SYNE3: variants seen among roughly 807,000 people sequenced by gnomAD.
SYNE3 encodes the protein nesprin-3.
A neutral mutation model predicts 111.2 loss-of-function variants in SYNE3; 100 were observed. The observed-to-expected ratio is 0.90, with a 90% confidence interval of 0.77 to 1.06. The LOEUF (loss-of-function observed/expected upper bound fraction) is 1.06, where lower values mean the gene tolerates loss of function less well. SYNE3 is among the 50% of genes least tolerant of loss of function. The pLI is 0.00. For missense variants in SYNE3, 1,160 were observed against 1,240.3 expected (o/e 0.94, Z 0.97); for synonymous variants, 547 against 533.9 (o/e 1.02, Z -0.34).
In SYNE3 at chr14:95,443,210, T is replaced by G; in HGVS notation, c.1856A>C (p.Gln619Pro). Residue 619 changes from glutamine to proline, a missense_variant, in exon 11 of 18, where the codon CAG (glutamine) becomes CCG (proline). Physicochemically the swap from Gln to Pro is moderately conservative, Grantham distance 76. Transcript: ENST00000682763. ...RPLVQENPNH[Q>P]HKMDQLSSDF... is the part of the protein sequence containing the mutation. ...GGAGGAAAGCTGGTCCATTTTGTGC[T>G]GGTGGTTGGGGTTCTCCTGGACCAG... is the stretch of plus-strand genomic sequence containing the variant. The G allele has an allele frequency of 1.2e-6, 2 of 1,614,198 alleles. No individual in the cohort carries two copies. Among genetic ancestry groups the G allele is most frequent in the Non-Finnish European group, 1.7e-6 (2 of 1,180,026 alleles).
rs745448848 is a variant in SYNE3, at chr14:95,449,751, A to G, written c.1449+180T>C. 9.8e-5 allele frequency: 94 copies of G among 960,504 alleles called. 1 individual carries two copies. Among genetic ancestry groups the G allele is most frequent in the Admixed American group, 6.2e-4 (10 of 16,242 alleles). 59.5% of individuals were successfully genotyped at this position (960,504 alleles called of 1,614,324 possible). On this transcript the variant is annotated intron_variant, in intron 8 of 17. Coordinates refer to ENST00000682763, the MANE Select transcript of SYNE3 (RefSeq NM_152592.6). ...CCCAGGAGCCGAGCTGACCTTTGTCAGTGTAACAAGCAAGCATGGACGCTC... is the reference window on the plus strand; with the variant it reads ...CCCAGGAGCCGAGCTGACCTTTGTCGGTGTAACAAGCAAGCATGGACGCTC...
chr14:95,509,974 G>C (rs947586843), intron 1 of SYNE3, among the ~76,000 whole-genome samples: 2 of 152,220 alleles, frequency 1.3e-5, no homozygotes, highest in African/African-American at 4.8e-5. Context: ...ACTTGAGCCA[G>C]CCATTTCTGC....
chr14:95,474,079 G>A (rs1383858914), intron 2 of SYNE3, among the ~76,000 whole-genome samples: 1 of 150,304 alleles, frequency 6.7e-6, no homozygotes, highest in Non-Finnish European at 1.5e-5. Flanking sequence ...GCTGGTGTGA[G>A]CTTGTGAGGT....
At chr14:95,479,634 T>C (rs1339522277) in intron 1 of SYNE3, among the ~76,000 whole-genome samples, 1 of 151,738 alleles carries the variant, frequency 6.6e-6, no homozygotes, top group Non-Finnish European at 1.5e-5. Flanking sequence ...GGCTCTGGCC[T>C]GGTGAGGCTC....
chr14:95,418,957 C>G (rs1884918133), intron 17 of SYNE3, among the ~76,000 whole-genome samples: 1 of 152,172 alleles, frequency 6.6e-6, no homozygotes, highest in African/African-American at 2.4e-5. Context: ...TCCTCCTCCT[C>G]CTTTTATTTC....
chr14:95,458,714 A>T (rs76592609), intron 4 of SYNE3, among the ~76,000 whole-genome samples: 1 of 152,160 alleles, frequency 6.6e-6, no homozygotes. Context: ...AGGTTCCTAG[A>T]AACAAGGCTG....
At chr14:95,481,840 TG>T (rs1431933623) in intron 1 of SYNE3, among the ~76,000 whole-genome samples, 4 of 152,226 alleles carry the variant, frequency 2.6e-5, no homozygotes, top group Non-Finnish European at 4.4e-5. Flanking sequence ...ATTTGGTCTC[TG>T]GGGGACCAGG....
At chr14:95,434,637 T>C (rs916284658) in intron 15 of SYNE3, among the ~76,000 whole-genome samples, 2 of 147,280 alleles carry the variant, frequency 1.4e-5, no homozygotes, top group African/African-American at 5.2e-5. Context: ...AAATCAACTC[T>C]GGAGGAAAAG....
intron 11 of SYNE3, among the ~76,000 whole-genome samples, chr14:95,440,671 C>T (rs1886366439): frequency 6.6e-6 from 1 of 152,226 alleles, no homozygotes; most frequent in Non-Finnish European, 1.5e-5. Flanking sequence ...AAAGGCCAGG[C>T]ACAAAAGAAA....
chr14:95,415,019 C>T lies in SYNE3; in HGVS notation c.*2807G>A, dbSNP rs190815975. 6.6e-6 allele frequency: 1 copy of T among 152,222 alleles called. No individual in the cohort carries two copies. The highest frequency in any genetic ancestry group is 6.5e-5 in the Admixed American group (1 of 15,294). 9.4% of individuals were successfully genotyped at this position (152,222 alleles called of 1,614,324 possible). On this transcript the variant is annotated 3_prime_UTR_variant, in exon 18 of 18. Transcript: ENST00000682763. ...ATATAGGTAGATATTCCCACCCCCG[C>T]CCGCATGTTCCAGCTTCTCCTTCCC...
intron 1 of SYNE3, among the ~76,000 whole-genome samples, chr14:95,480,821 C>G (rs967860781): frequency 6.6e-6 from 1 of 152,352 alleles, no homozygotes. Context: ...TAAGGACAGG[C>G]CCACACCACG....
In SYNE3 at chr14:95,470,692, G is replaced by C. The variant is rs559224329; in HGVS notation, c.145-2725C>G. ...AGAAAAAAAAGAGCCGGATGTGGTG[G>C]CTCACGCCTGTAATCCCAACACTTT... is the stretch of plus-strand genomic sequence containing the variant. On this transcript the variant is annotated intron_variant, in intron 2 of 17. Coordinates refer to ENST00000682763, the MANE Select transcript of SYNE3 (RefSeq NM_152592.6). The surrounding 1 kb of genome is among the most constrained non-coding windows in gnomAD (Gnocchi z 4.2). 1.3e-3 allele frequency among the ~76,000 whole-genome samples: 194 copies of C among 151,694 alleles called. 1 individual carries two copies. Among genetic ancestry groups the C allele is most frequent in the African/African-American group, 4.3e-3 (178 of 41,316 alleles).
intron 1 of SYNE3, among the ~76,000 whole-genome samples, chr14:95,514,194 G>C (rs1268487284): frequency 6.6e-6 from 1 of 152,172 alleles, no homozygotes; most frequent in Non-Finnish European, 1.5e-5. Context: ...GTGGTTAACT[G>C]AAAATATTCA....
intron 1 of SYNE3, among the ~76,000 whole-genome samples, chr14:95,495,015 G>A (rs905338293): frequency 9.9e-5 from 15 of 152,202 alleles, no homozygotes; most frequent in African/African-American, 3.4e-4. Flanking sequence ...AGGAAGCTGA[G>A]GCAGGAGAAT....
chr14:95,471,428 A>C (rs1863399160), intron 2 of SYNE3, among the ~76,000 whole-genome samples: 1 of 152,224 alleles, frequency 6.6e-6, no homozygotes, highest in African/African-American at 2.4e-5. Context: ...CCCGAGACCC[A>C]CTGCCTTTTC....
At chr14:95,478,542 A>C (rs1165017982) in intron 1 of SYNE3, among the ~76,000 whole-genome samples, 1 of 152,052 alleles carries the variant, frequency 6.6e-6, no homozygotes, top group Non-Finnish European at 1.5e-5. Context: ...TTCCTGTGTC[A>C]CCACTCCCTG....
At chr14:95,479,224 CA>C (rs71132351) in intron 1 of SYNE3, among the ~76,000 whole-genome samples, 1,348 of 86,232 alleles carry the variant, frequency 0.016, 5 homozygotes, top group African/African-American at 0.046. Flanking sequence ...TCGTCTCTAC[CA>C]AAAAAAAAAA....
intron 4 of SYNE3, among the ~76,000 whole-genome samples, 163 bp from the exon 5 acceptor site, chr14:95,457,501 A>T (rs1326099992): frequency 6.6e-6 from 1 of 152,128 alleles, no homozygotes; most frequent in African/African-American, 2.4e-5. Context: ...GAGCTCTCAG[A>T]TACTCTGTTC....
At position 95,423,142 on chromosome 14, in the gene SYNE3, A is replaced by G. The variant is rs114304809; in HGVS notation, c.2728-5116T>C. ...GGGGTGGCTCTGCGTGGATGTCAGG[A>G]CACAGAGATGTATTTTTTCAGTTGA... is the stretch of plus-strand genomic sequence containing the variant. On this transcript the variant is annotated intron_variant, in intron 17 of 17. Transcript: ENST00000682763. Among the ~76,000 whole-genome samples the G allele has an allele frequency of 8.0e-3, 1,223 of 152,274 alleles. 13 individuals carry two copies. The highest frequency in any genetic ancestry group is 0.027 in the African/African-American group (1,115 of 41,536).
Sources: gnomAD v4.1 joint callset for allele counts (sites outside exome capture counted in the v4.1 genomes callset) on GRCh38, gnomAD v4.1.1 for gene constraint, Gnocchi (gnomAD v3.1) non-coding constraint, MANE v1.5 for transcripts, NCBI Gene and HGNC (gene_info 2026-07-23, HGNC 2026-07-21) for gene names.